The following IFT88 variants were observed in gnomAD, a reference collection of about 807,000 sequenced individuals.
IFT88 encodes the protein intraflagellar transport protein 88 homolog.
IFT88 carries 74 observed loss-of-function variants against 119.5 expected under a neutral mutation model. The observed-to-expected ratio is 0.62, with a 90% CI of 0.51 to 0.75. The LOEUF (loss-of-function observed/expected upper bound fraction) is 0.75. Ranked by LOEUF, IFT88 falls within the 30% of genes least tolerant of loss-of-function variation. The pLI is 0.00. For missense variants in IFT88, 961 were observed against 977.7 expected (o/e 0.98, Z 0.23); for synonymous variants, 279 against 316.7 (o/e 0.88, Z 1.26).
At chr13:20,607,233 T>C in intron 13 of IFT88, 1 of 402,354 alleles carries the variant, frequency 2.5e-6, no homozygotes, top group Non-Finnish European at 5.0e-6. Flanking sequence ...GGGCCCAGTC[T>C]GCATTCGTCC....
At chr13:20,595,880 C>CA (rs2041555930) in intron 7 of IFT88, among the ~76,000 whole-genome samples, 1 of 151,610 alleles carries the variant, frequency 6.6e-6, no homozygotes, top group African/African-American at 2.4e-5. Flanking sequence ...TCTGTCACTA[C>CA]AAAAAACAAA....
chr13:20,673,139 G>A (rs1018335172), intron 24 of IFT88, among the ~76,000 whole-genome samples: 4 of 152,124 alleles, frequency 2.6e-5, no homozygotes, highest in Non-Finnish European at 5.9e-5. Flanking sequence ...CATCCCCTAA[G>A]GATTCTGCAT....
chr13:20,608,722 C>T (rs147598370), intron 13 of IFT88, among the ~76,000 whole-genome samples: 228 of 152,292 alleles, frequency 1.5e-3, no homozygotes, highest in African/African-American at 4.5e-3. Context: ...GAGATGGATC[C>T]CGTTTCCCAG....
chr13:20,574,533 A>C, intron 2 of IFT88, 58 bp downstream of exon 2: 1 of 903,538 alleles, frequency 1.1e-6, no homozygotes, highest in Non-Finnish European at 1.8e-6. Context: ...GTTTATGAAG[A>C]CTGTGGATTT....
intron 23 of IFT88, among the ~76,000 whole-genome samples, chr13:20,664,043 C>T (rs971291276): frequency 2.0e-5 from 3 of 152,104 alleles, no homozygotes; most frequent in African/African-American, 7.2e-5. Context: ...CTTTATGCTC[C>T]TTGAAGGGTT....
chr13:20,674,725 T>TATACATA (rs1491475484), intron 24 of IFT88, among the ~76,000 whole-genome samples: 1 of 31,454 alleles, frequency 3.2e-5, no homozygotes, highest in African/African-American at 9.7e-5. Flanking sequence ...TATATATATA[T>TATACATA]TTTTTTTTTT....
At chr13:20,654,960 T>C (rs941263787) in intron 21 of IFT88, among the ~76,000 whole-genome samples, 4 of 152,188 alleles carry the variant, frequency 2.6e-5, no homozygotes, top group African/African-American at 9.6e-5. Flanking sequence ...TTGGGTCAGA[T>C]GCTTCCTGTC....
intron 1 of IFT88, among the ~76,000 whole-genome samples, chr13:20,571,842 T>C (rs538670581): frequency 6.2e-4 from 95 of 152,302 alleles, no homozygotes; most frequent in Non-Finnish European, 1.0e-3. Context: ...TAAATAAAAT[T>C]GGCCTCAGGT....
chr13:20,567,627 C>G, intron 1 of IFT88: 1 of 566,272 alleles, frequency 1.8e-6, no homozygotes, highest in Non-Finnish European at 2.3e-6. Flanking sequence ...TCTGGAATCG[C>G]ACAGCAGAGA....
intron 23 of IFT88, among the ~76,000 whole-genome samples, chr13:20,669,001 A>G (rs1284343490): frequency 6.6e-6 from 1 of 152,206 alleles, no homozygotes; most frequent in East Asian, 1.9e-4. Context: ...TTTTGTACTG[A>G]TGGAGCTGTT....
At chr13:20,608,253 G>A (rs898688863) in intron 13 of IFT88, 5 of 232,602 alleles carry the variant, frequency 2.1e-5, no homozygotes, top group Non-Finnish European at 3.4e-5. Context: ...CAACCCAGCC[G>A]AGGGAATGGT....
intron 15 of IFT88, among the ~76,000 whole-genome samples, chr13:20,626,608 GGGTCTCAT>G (rs764821276): frequency 1.3e-5 from 2 of 152,150 alleles, no homozygotes; most frequent in Non-Finnish European, 2.9e-5. Context: ...GGGATTGGAA[GGGTCTCAT>G]GGCTGTATGG....
intron 11 of IFT88, among the ~76,000 whole-genome samples, chr13:20,599,998 T>C (rs2042340589): frequency 6.6e-6 from 1 of 152,104 alleles, no homozygotes; most frequent in Non-Finnish European, 1.5e-5. Flanking sequence ...TATTTTCTAT[T>C]ATAATATTCA....
intron 23 of IFT88, among the ~76,000 whole-genome samples, chr13:20,664,456 G>T (rs2054315878): frequency 6.6e-6 from 1 of 152,116 alleles, no homozygotes; most frequent in Non-Finnish European, 1.5e-5. Context: ...TGGGTTGTTG[G>T]CCAGGCAAGA....
At chr13:20,591,286 C>T (rs1444456499) in intron 5 of IFT88, among the ~76,000 whole-genome samples, 1 of 152,096 alleles carries the variant, frequency 6.6e-6, no homozygotes, top group Non-Finnish European at 1.5e-5. Context: ...ATGATGTATT[C>T]TGGGGCCCAT....
At chr13:20,651,897 T>C (rs1236718605) in intron 20 of IFT88, among the ~76,000 whole-genome samples, 5 of 152,188 alleles carry the variant, frequency 3.3e-5, no homozygotes, top group Non-Finnish European at 7.4e-5. Flanking sequence ...ATTATTCCAC[T>C]ATACAAAGGA....
At chr13:20,657,599 A>T (rs2053050120) in intron 22 of IFT88, among the ~76,000 whole-genome samples, 1 of 152,152 alleles carries the variant, frequency 6.6e-6, no homozygotes, top group African/African-American at 2.4e-5. Flanking sequence ...CCCTATAGCA[A>T]ATAAAATAAT....
chr13:20,607,030 A>C (rs1381547367), intron 13 of IFT88, among the ~76,000 whole-genome samples: 2 of 152,166 alleles, frequency 1.3e-5, no homozygotes, highest in African/African-American at 4.8e-5. Flanking sequence ...AATTTATATC[A>C]GGGGCAGGAA....
intron 22 of IFT88, among the ~76,000 whole-genome samples, chr13:20,658,916 A>G (rs1291559443): frequency 6.6e-6 from 1 of 152,220 alleles, no homozygotes; most frequent in Non-Finnish European, 1.5e-5. Context: ...TCTAAGAATC[A>G]AATGAATGAT....
Sources: allele counts gnomAD v4.1 joint callset (sites outside exome capture counted in the v4.1 genomes callset), GRCh38; gene constraint gnomAD v4.1.1; transcripts MANE v1.5; gene names NCBI Gene and HGNC (gene_info 2026-07-23, HGNC 2026-07-21).